The following HECTD4 variants were observed in gnomAD, a reference collection of about 807,000 sequenced individuals.
The protein encoded by HECTD4 is HECT domain E3 ubiquitin protein ligase 4.
In HECTD4, 114 loss-of-function variants were observed where a neutral mutation model predicts 471.5. That is an observed-to-expected ratio of 0.24 (90% CI 0.21 to 0.28). HECTD4 has a LOEUF of 0.28. Among genes scored for constraint, HECTD4 ranks in the 10% least tolerant of loss-of-function variants. The probability of loss-of-function intolerance (pLI) is 1.00; values close to 1 mark genes in which losing one functional copy is unlikely to be tolerated. For synonymous variants in HECTD4, 2,012 were observed against 2,256.0 expected (o/e 0.89, Z 3.07); for missense variants, 3,866 against 5,651.5 (o/e 0.68, Z 10.13).
intron 39 of HECTD4, chr12:112,231,139 G>A (rs1486793724): frequency 4.5e-6 from 2 of 444,186 alleles, no homozygotes; most frequent in Non-Finnish European, 8.1e-6. Context: ...CTTCACAGAG[G>A]CAACACTTAA....
At chr12:112,167,072 T>G in intron 72 of HECTD4, 1 of 407,298 alleles carries the variant, frequency 2.5e-6, no homozygotes, top group Non-Finnish European at 4.4e-6. Context: ...TGAGCACCAA[T>G]GTGGGAGGGG....
At position 112,166,237 on chromosome 12, in the gene HECTD4, C is replaced by T. The variant is rs2030952354; in HGVS notation, c.12534+1080G>A. 1 of 152,314 alleles carries T rather than the reference C, an allele frequency of 6.6e-6. No individual in the cohort carries two copies. The highest frequency in any genetic ancestry group is 1.9e-4 in the East Asian group (1 of 5,208). The allele number at this position is 152,314 out of a possible 1,614,324, so 9.4% of individuals were successfully genotyped here. On this transcript the variant is annotated intron_variant, in intron 72 of 75. Coordinates refer to ENST00000682272, the MANE Select transcript of HECTD4 (RefSeq NM_001388303.1). The surrounding 1 kb of genome is among the most constrained non-coding windows in gnomAD (Gnocchi z 4.6). ...CCCTTTAGACAATGCCTTGTCATCCCTGTTTCTACCGAGAAGCCACTGGCA... is the reference window on the plus strand; with the variant it reads ...CCCTTTAGACAATGCCTTGTCATCCTTGTTTCTACCGAGAAGCCACTGGCA...
intron 13 of HECTD4, among the ~76,000 whole-genome samples, chr12:112,268,553 C>T (rs1189366660): frequency 3.9e-5 from 6 of 151,998 alleles, no homozygotes; most frequent in African/African-American, 1.2e-4. Flanking sequence ...GTCAGGAGTT[C>T]GAGACCAGCC....
rs778473781 is a variant in HECTD4, at chr12:112,269,770, T to C, written c.2255A>G (p.Gln752Arg). The C allele has an allele frequency of 1.2e-6, 2 of 1,614,018 alleles. No individual in the cohort carries two copies. Among genetic ancestry groups the C allele is most frequent in the Non-Finnish European group, 8.5e-7 (1 of 1,179,884 alleles). The change falls in exon 13 of 76, where the codon CAG (glutamine) becomes CGG (arginine). Residue 752 changes from glutamine to arginine, a missense_variant. By Grantham distance (43) the Gln-to-Arg change is conservative. Coordinates refer to ENST00000682272, the MANE Select transcript of HECTD4 (RefSeq NM_001388303.1). ...TTGATCTTTTGGAGCCATCAACAAC[T>C]GCCAAAGAAGCAATCCCGACCGTCG... Reference protein sequence around the residue: ...IIRRSGLLLWQLLMAPKDQIC... With the variant: ...IIRRSGLLLWRLLMAPKDQIC...
At chr12:112,364,419 A>AT (rs2036519867) in intron 1 of HECTD4, among the ~76,000 whole-genome samples, 2 of 151,928 alleles carry the variant, frequency 1.3e-5, no homozygotes, top group Non-Finnish European at 2.9e-5. Flanking sequence ...AAAAAAAAAA[A>AT]AAAATAAATA....
At chr12:112,303,150 G>C (rs868073520) in intron 7 of HECTD4, among the ~76,000 whole-genome samples, 3 of 152,206 alleles carry the variant, frequency 2.0e-5, no homozygotes, top group Middle Eastern at 6.8e-3. Context: ...GGGTCATTCA[G>C]TTTCTTCAGA....
chr12:112,312,885 T>C (rs774086201), intron 4 of HECTD4, 132 bp downstream of exon 4: 6 of 666,080 alleles, frequency 9.0e-6, no homozygotes, highest in Non-Finnish European at 1.5e-5. Flanking sequence ...ACAATGAACA[T>C]ACTGAATAGA....
chr12:112,172,950 G>T, intron 66 of HECTD4, 89 bp from the exon 67 acceptor site: 1 of 1,140,280 alleles, frequency 8.8e-7, no homozygotes, highest in Non-Finnish European at 1.3e-6. Context: ...CCTGTCCTCA[G>T]CTCCTGGAGC....
At chr12:112,320,017 T>G (rs1246350678) in intron 1 of HECTD4, among the ~76,000 whole-genome samples, 1 of 152,140 alleles carries the variant, frequency 6.6e-6, no homozygotes, top group East Asian at 1.9e-4. Flanking sequence ...AGTCAGAAAT[T>G]AACTCCATAA....
chr12:112,198,163 A>AAATAACAGCAG (rs1288628968), intron 55 of HECTD4, among the ~76,000 whole-genome samples: 1 of 152,202 alleles, frequency 6.6e-6, no homozygotes, highest in Non-Finnish European at 1.5e-5. Flanking sequence ...CAAACAAGCA[A>AAATAACAGCAG]AATAACAGCA....
rs758119260 is a variant in HECTD4, at chr12:112,193,640, C to T, written c.8784G>A (p.Ala2928=). ...GTISSSSILL[A]QSLQHCIHSQ... is the part of the protein sequence containing the mutation. ...AATGGATGCAATGCTGTAAAGACTG[C>T]GCCAGGAGGATCGAGCTGGAGCTGA... The change falls in exon 57 of 76, where the codon GCG becomes GCA. Residue 2928 remains alanine (A), a synonymous_variant. Coordinates refer to ENST00000682272, the MANE Select transcript of HECTD4 (RefSeq NM_001388303.1). The surrounding 1 kb of genome is among the most constrained non-coding windows in gnomAD (Gnocchi z 5.2). 14 of 1,612,690 alleles carry T rather than the reference C, an allele frequency of 8.7e-6. No homozygotes were observed. The highest frequency in any genetic ancestry group is 1.7e-5 in the Admixed American group (1 of 59,826).
intron 1 of HECTD4, among the ~76,000 whole-genome samples, chr12:112,343,756 CAGAG>C (rs573602385): frequency 6.6e-6 from 1 of 151,496 alleles, no homozygotes; most frequent in Non-Finnish European, 1.5e-5. Context: ...GGGCAACAGA[CAGAG>C]AGACCCCATC....
At chr12:112,369,340 C>CTTTT (rs763174549) in intron 1 of HECTD4, among the ~76,000 whole-genome samples, 3 of 129,228 alleles carry the variant, frequency 2.3e-5, no homozygotes, top group East Asian at 2.2e-4. Context: ...CCTAGGATTT[C>CTTTT]TTTTTTTTTT....
At chr12:112,337,262 T>A (rs1449260731) in intron 1 of HECTD4, among the ~76,000 whole-genome samples, 1 of 152,226 alleles carries the variant, frequency 6.6e-6, no homozygotes, top group African/African-American at 2.4e-5. Flanking sequence ...AATTCACCTC[T>A]AAGGTCCACT....
In HECTD4 at chr12:112,319,729, T is replaced by G; in HGVS notation, c.191A>C (p.Glu64Ala). The G allele has an allele frequency of 8.0e-7, 1 of 1,246,132 alleles. No homozygotes were observed. Among genetic ancestry groups the G allele is most frequent in the Non-Finnish European group, 1.0e-6 (1 of 995,670 alleles). 77.2% of individuals were successfully genotyped at this position (1,246,132 alleles called of 1,614,324 possible). Residue 64 changes from glutamate to alanine, a missense_variant, in exon 2 of 76, where the codon GAG becomes GCG. Transcript: ENST00000682272. The surrounding 1 kb of genome is among the most constrained non-coding windows in gnomAD (Gnocchi z 5.3). ...TGCTAATTCCGACGGGTTCTTGGTC[T>G]CAAAGGTTAAAATCTAAGGAAAAAG... Reference protein sequence around the residue: ...ADTDLEILTFETKNPSELAER... With the variant: ...ADTDLEILTFATKNPSELAER...
At chr12:112,168,423 A>C (rs1203455754) in intron 70 of HECTD4, among the ~76,000 whole-genome samples, 2 of 152,214 alleles carry the variant, frequency 1.3e-5, no homozygotes, top group African/African-American at 4.8e-5. Flanking sequence ...TGCAAAGGGC[A>C]ACGGTAACTG....
At position 112,265,080 on chromosome 12, in the gene HECTD4, T is replaced by C. The variant is rs1272774373; in HGVS notation, c.2619+95A>G. ...GCGCCCGGCCTTTCATAAATTATTG[T>C]AAGTCTGTATGTATACACACACCTG... On this transcript the variant is annotated intron_variant, in intron 16 of 75. Coordinates refer to ENST00000682272, the MANE Select transcript of HECTD4 (RefSeq NM_001388303.1). 4 of 1,161,402 alleles carry C rather than the reference T, an allele frequency of 3.4e-6. No homozygotes were observed. In the East Asian group the frequency reaches 8.1e-5, roughly 23 times the overall value. 71.9% of individuals were successfully genotyped at this position (1,161,402 alleles called of 1,614,324 possible). A position where few individuals can be genotyped will look rare whatever the true frequency, so the allele number is the denominator to read the frequency against.
intron 13 of HECTD4, chr12:112,267,258 G>A (rs1041421759): frequency 4.9e-6 from 2 of 409,460 alleles, no homozygotes; most frequent in Non-Finnish European, 4.4e-6. Flanking sequence ...ACCGGTCTTC[G>A]GTCAAGGGTA....
At chr12:112,233,848 T>G (rs2033441820) in intron 37 of HECTD4, among the ~76,000 whole-genome samples, 2 of 152,140 alleles carry the variant, frequency 1.3e-5, no homozygotes, top group Admixed American at 1.3e-4. Context: ...TTTGTTTGTT[T>G]TTTTCAAACA....
Sources: gnomAD v4.1 joint callset for allele counts (sites outside exome capture counted in the v4.1 genomes callset) on GRCh38, gnomAD v4.1.1 for gene constraint, Gnocchi (gnomAD v3.1) non-coding constraint, MANE v1.5 for transcripts, NCBI Gene and HGNC (gene_info 2026-07-23, HGNC 2026-07-21) for gene names.